Variants in SH3GL2 observed in about 807,000 individuals in gnomAD.
SH3GL2 encodes SH3 domain containing GRB2 like 2, endophilin A1.
Under a neutral mutation model 46.0 loss-of-function variants are expected in SH3GL2, and 24 were observed. The observed-to-expected ratio is 0.52, with a 90% CI of 0.38 to 0.73. The LOEUF is 0.73. Among genes scored for constraint, SH3GL2 ranks in the 30% least tolerant of loss-of-function variants. The pLI, the probability that SH3GL2 is intolerant of heterozygous loss-of-function variation, is 0.00. For synonymous variants in SH3GL2, 196 were observed against 147.1 expected (o/e 1.33, Z -2.40); for missense variants, 413 against 424.2 (o/e 0.97, Z 0.23).
chr9:17,659,288 C>G (rs554025490), intron 1 of SH3GL2, among the ~76,000 whole-genome samples: 2 of 152,184 alleles, frequency 1.3e-5, no homozygotes, highest in African/African-American at 2.4e-5. Flanking sequence ...GCAGCATTGT[C>G]TGTGTTCCTG....
At chr9:17,735,457 G>A (rs1305755579) in intron 1 of SH3GL2, among the ~76,000 whole-genome samples, 1 of 152,122 alleles carries the variant, frequency 6.6e-6, no homozygotes, top group South Asian at 2.1e-4. Flanking sequence ...ATGACATATA[G>A]CTACAGTTGA....
chr9:17,685,479 C>A (rs1268668226), intron 1 of SH3GL2, among the ~76,000 whole-genome samples: 1 of 152,092 alleles, frequency 6.6e-6, no homozygotes, highest in Non-Finnish European at 1.5e-5. Flanking sequence ...TAACTGGATA[C>A]TATTGCCTAG....
chr9:17,755,543 C>A (rs1822964375), intron 2 of SH3GL2, among the ~76,000 whole-genome samples: 1 of 152,146 alleles, frequency 6.6e-6, no homozygotes, highest in Non-Finnish European at 1.5e-5. Context: ...CTTAAGCAAT[C>A]CTCCTATCTT....
intron 1 of SH3GL2, among the ~76,000 whole-genome samples, chr9:17,731,374 TAAAAG>T (rs1822175099): frequency 6.9e-6 from 1 of 145,852 alleles, no homozygotes; most frequent in Non-Finnish European, 1.5e-5. Flanking sequence ...TTTGTGCCCT[TAAAAG>T]AAGAGGAAGA....
chr9:17,743,426 G>A (rs1272690436), intron 1 of SH3GL2, among the ~76,000 whole-genome samples: 1 of 151,950 alleles, frequency 6.6e-6, no homozygotes. Context: ...AACATCATTC[G>A]CTATATTTGG....
intron 1 of SH3GL2, among the ~76,000 whole-genome samples, chr9:17,667,995 A>T (rs1820387258): frequency 1.3e-5 from 2 of 152,144 alleles, no homozygotes; most frequent in Non-Finnish European, 1.5e-5. Context: ...CATTTTAAAT[A>T]TTGAGTTGTT....
At chr9:17,789,313 G>A in intron 5 of SH3GL2, 79 bp from the exon 6 acceptor site, 2 of 1,141,834 alleles carry the variant, frequency 1.8e-6, no homozygotes, top group Non-Finnish European at 2.6e-6. Context: ...GAAGTTAATG[G>A]ACGTGATGGA....
intron 1 of SH3GL2, among the ~76,000 whole-genome samples, chr9:17,740,764 A>T (rs1360372554): frequency 6.7e-6 from 1 of 149,764 alleles, no homozygotes; most frequent in Non-Finnish European, 1.5e-5. Flanking sequence ...CTGCTTATTA[A>T]GGAATAATAA....
intron 6 of SH3GL2, 112 bp from the exon 7 acceptor site, chr9:17,791,119 C>A: frequency 1.4e-6 from 1 of 727,642 alleles, no homozygotes. Context: ...ATCAGCACCA[C>A]CAACCAGGGG....
chr9:17,638,290 A>G (rs2134637989), intron 1 of SH3GL2, among the ~76,000 whole-genome samples: 1 of 152,314 alleles, frequency 6.6e-6, no homozygotes, highest in East Asian at 1.9e-4. Context: ...ATTTCGTTAG[A>G]CATTCATTTA....
intron 1 of SH3GL2, among the ~76,000 whole-genome samples, chr9:17,646,625 G>A (rs1199463606): frequency 6.6e-6 from 1 of 152,154 alleles, no homozygotes; most frequent in Non-Finnish European, 1.5e-5. Context: ...CCTTCTAACA[G>A]ACCTGTCTTC....
At chr9:17,730,435 T>C (rs976738776) in intron 1 of SH3GL2, among the ~76,000 whole-genome samples, 2 of 152,160 alleles carry the variant, frequency 1.3e-5, no homozygotes, top group Non-Finnish European at 2.9e-5. Flanking sequence ...CTCTTCCTGT[T>C]TGAATACACT....
At chr9:17,708,539 T>C (rs1315037694) in intron 1 of SH3GL2, among the ~76,000 whole-genome samples, 1 of 152,052 alleles carries the variant, frequency 6.6e-6, no homozygotes, top group Non-Finnish European at 1.5e-5. Context: ...TTGTCAAGTA[T>C]ATATTTAACA....
At chr9:17,598,527 G>A (rs1324736602) in intron 1 of SH3GL2, among the ~76,000 whole-genome samples, 1 of 152,170 alleles carries the variant, frequency 6.6e-6, no homozygotes, top group African/African-American at 2.4e-5. Flanking sequence ...AGAGTTGCGG[G>A]CCAAGGGGTT....
intron 1 of SH3GL2, among the ~76,000 whole-genome samples, chr9:17,667,087 A>G (rs562408693): frequency 6.6e-6 from 1 of 152,190 alleles, no homozygotes; most frequent in African/African-American, 2.4e-5. Context: ...TGTTTTTTAC[A>G]TGGTGTTTAT....
intron 1 of SH3GL2, among the ~76,000 whole-genome samples, chr9:17,637,944 C>A (rs1819579482): frequency 1.3e-5 from 2 of 152,132 alleles, no homozygotes; most frequent in African/African-American, 4.8e-5. Context: ...ATCACGAGGT[C>A]AGGAGATCGA....
intron 1 of SH3GL2, among the ~76,000 whole-genome samples, chr9:17,713,777 G>C (rs1310033794): frequency 6.6e-6 from 1 of 151,602 alleles, no homozygotes; most frequent in Non-Finnish European, 1.5e-5. Context: ...TAAATGTATT[G>C]AGAATTATTT....
At chr9:17,772,477 TC>T (rs1823512948) in intron 3 of SH3GL2, among the ~76,000 whole-genome samples, 1 of 152,132 alleles carries the variant, frequency 6.6e-6, no homozygotes, top group South Asian at 2.1e-4. Context: ...TAAAACTCTA[TC>T]CCCATTAAGT....
At chr9:17,678,443 G>A (rs1201524242) in intron 1 of SH3GL2, among the ~76,000 whole-genome samples, 1 of 152,152 alleles carries the variant, frequency 6.6e-6, no homozygotes, top group Non-Finnish European at 1.5e-5. Flanking sequence ...CTTTTGAGAA[G>A]TGTCTGTTCA....
Sources: allele counts gnomAD v4.1 joint callset (sites outside exome capture counted in the v4.1 genomes callset), GRCh38; gene constraint gnomAD v4.1.1; transcripts MANE v1.5; gene names NCBI Gene and HGNC (gene_info 2026-07-23, HGNC 2026-07-21).